The following EBF1 variants were observed in gnomAD, a reference collection of about 807,000 sequenced individuals.
The protein encoded by EBF1 is EBF transcription factor 1.
EBF1 carries 10 observed loss-of-function variants against 68.4 expected under a neutral mutation model. The observed-to-expected ratio is 0.15, with a 90% CI of 0.09 to 0.25. The LOEUF (loss-of-function observed/expected upper bound fraction) is 0.25, where lower values mean the gene tolerates loss of function less well. EBF1 is among the 10% of genes least tolerant of loss of function. EBF1 has a pLI of 1.00. For missense variants in EBF1, 509 were observed against 794.4 expected, an observed-to-expected ratio of 0.64 and a Z score of 4.32; for synonymous variants, 298 against 299.8, an observed-to-expected ratio of 0.99 and a Z score of 0.06.
In EBF1 at chr5:158,709,201, C is replaced by A. The variant is rs1318736480; in HGVS notation, c.1550-1028G>T. Among the ~76,000 whole-genome samples the A allele has an allele frequency of 7.9e-5, 12 of 152,282 alleles. No homozygotes were observed. In the South Asian group the frequency reaches 2.5e-3, roughly 32 times the overall value. On this transcript the variant is annotated intron_variant, in intron 14 of 15. Transcript: ENST00000313708. ...AAAGTATGTATCCTAGATATTTCTTCTATGTTATTATTTTTTCACACAACT... is the reference window on the plus strand; with the variant it reads ...AAAGTATGTATCCTAGATATTTCTTATATGTTATTATTTTTTCACACAACT...
intron 6 of EBF1, among the ~76,000 whole-genome samples, chr5:158,969,070 G>A (rs1754768462): frequency 6.6e-6 from 1 of 152,184 alleles, no homozygotes; most frequent in Non-Finnish European, 1.5e-5. Flanking sequence ...GGGAGGTTGA[G>A]GCAGGCAGAT....
chr5:158,885,380 C>T (rs559840909), intron 6 of EBF1, among the ~76,000 whole-genome samples: 3 of 152,232 alleles, frequency 2.0e-5, no homozygotes, highest in South Asian at 4.2e-4. Flanking sequence ...GAGAAGTGGA[C>T]GCAGGCAAGA....
intron 6 of EBF1, among the ~76,000 whole-genome samples, chr5:158,982,295 A>T (rs2127588346): frequency 6.6e-6 from 1 of 152,318 alleles, no homozygotes; most frequent in East Asian, 1.9e-4. Context: ...TACTAATAGT[A>T]TTATTTGCAC....
chr5:158,701,499 C>T (rs893093160), intron 15 of EBF1, among the ~76,000 whole-genome samples: 1 of 152,178 alleles, frequency 6.6e-6, no homozygotes, highest in Non-Finnish European at 1.5e-5. Flanking sequence ...GTTAACAGCG[C>T]TTTTTATTTT....
At chr5:159,059,677 A>C (rs901891993) in intron 6 of EBF1, among the ~76,000 whole-genome samples, 5 of 152,236 alleles carry the variant, frequency 3.3e-5, no homozygotes, top group Non-Finnish European at 5.9e-5. Flanking sequence ...CAGTTTATAC[A>C]ATTACTTGTA....
chr5:158,852,146 A>G (rs1793064583), intron 6 of EBF1, among the ~76,000 whole-genome samples: 1 of 142,456 alleles, frequency 7.0e-6, no homozygotes, highest in South Asian at 2.8e-4. Flanking sequence ...CTTCAAGGAA[A>G]ATAAATAAAC....
intron 6 of EBF1, among the ~76,000 whole-genome samples, chr5:158,999,062 T>C (rs1762003045): frequency 6.6e-6 from 1 of 152,086 alleles, no homozygotes; most frequent in Admixed American, 6.6e-5. Flanking sequence ...ACAAGAGTTT[T>C]TGTGTTTCAT....
At chr5:159,081,774 C>A (rs1414497210) in intron 5 of EBF1, among the ~76,000 whole-genome samples, 2 of 152,210 alleles carry the variant, frequency 1.3e-5, no homozygotes, top group Non-Finnish European at 2.9e-5. Flanking sequence ...CACATTTAAA[C>A]ACAGGATGTC....
intron 7 of EBF1, among the ~76,000 whole-genome samples, chr5:158,824,268 G>T (rs963210936): frequency 6.6e-6 from 1 of 152,186 alleles, no homozygotes; most frequent in Non-Finnish European, 1.5e-5. Context: ...CACCTATTAT[G>T]TTGACTAATT....
chr5:158,892,334 C>T (rs1358155550), intron 6 of EBF1, among the ~76,000 whole-genome samples: 2 of 152,046 alleles, frequency 1.3e-5, no homozygotes, highest in Non-Finnish European at 2.9e-5. Flanking sequence ...ACTAAAAATA[C>T]AAAAACTAGC....
At chr5:158,886,812 G>A (rs1800134202) in intron 6 of EBF1, among the ~76,000 whole-genome samples, 1 of 152,204 alleles carries the variant, frequency 6.6e-6, no homozygotes, top group Non-Finnish European at 1.5e-5. Flanking sequence ...AGGAGTTCGA[G>A]ACCAGCTTGG....
At chr5:159,010,458 T>C (rs1764424592) in intron 6 of EBF1, among the ~76,000 whole-genome samples, 1 of 152,048 alleles carries the variant, frequency 6.6e-6, no homozygotes, top group Non-Finnish European at 1.5e-5. Flanking sequence ...AAATGGTCTA[T>C]GCTAGGTTTA....
intron 6 of EBF1, among the ~76,000 whole-genome samples, chr5:159,025,952 G>A (rs1166765723): frequency 6.6e-6 from 1 of 152,146 alleles, no homozygotes; most frequent in Non-Finnish European, 1.5e-5. Flanking sequence ...CATCTATTTG[G>A]GGATATGTTT....
At position 158,969,908 on chromosome 5, in the gene EBF1, G is replaced by GA. The variant is rs1349712410; in HGVS notation, c.554+103487dup. ...AGAAAGAAAGAAAGAAAGAAAGAAA[G>GA]AAAGAAAGAAAAAAAAAAAAAAGGC... is the stretch of plus-strand genomic sequence containing the variant. On this transcript the variant is annotated intron_variant, in intron 6 of 15. Transcript: ENST00000313708. Among the ~76,000 whole-genome samples the GA allele has an allele frequency of 6.5e-3, 676 of 104,786 alleles. 26 individuals are homozygous for GA. Among genetic ancestry groups the GA allele is most frequent in the Non-Finnish European group, 8.8e-3 (445 of 50,536 alleles). 68.7% of individuals were successfully genotyped at this position (104,786 alleles called of 152,430 possible). A position where few individuals can be genotyped will look rare whatever the true frequency, so the allele number is the denominator to read the frequency against.
intron 7 of EBF1, among the ~76,000 whole-genome samples, chr5:158,835,467 A>G: frequency 6.6e-6 from 1 of 152,114 alleles, no homozygotes; most frequent in East Asian, 1.9e-4. Flanking sequence ...ACACAACTCT[A>G]CCCTCTGCAT....
chr5:158,813,527 G>A (rs1395228768), intron 8 of EBF1, among the ~76,000 whole-genome samples: 5 of 152,166 alleles, frequency 3.3e-5, no homozygotes, highest in African/African-American at 1.2e-4. Context: ...TGGCCAAGGT[G>A]GAGGGAAATT....
chr5:158,720,021 C>T (rs1358244368), intron 11 of EBF1, among the ~76,000 whole-genome samples: 2 of 152,162 alleles, frequency 1.3e-5, no homozygotes, highest in African/African-American at 4.8e-5. Flanking sequence ...TTCCCTGATA[C>T]CCATTTATCA....
chr5:158,956,407 G>T (rs1817085522), intron 6 of EBF1, among the ~76,000 whole-genome samples: 2 of 151,892 alleles, frequency 1.3e-5, no homozygotes, highest in South Asian at 2.1e-4. Flanking sequence ...TTCAAAACTG[G>T]ACTTTTAACT....
At position 158,997,798 on chromosome 5, in the gene EBF1, AG is replaced by A. The variant is rs529138887; in HGVS notation, c.554+75597del. On this transcript the variant is annotated intron_variant, in intron 6 of 15. Coordinates refer to ENST00000313708, the MANE Select transcript of EBF1 (RefSeq NM_024007.5). Reference sequence around the variant, plus strand: ...AGACACAGGCCTTTGCTAGCTCTACAGCAGGCTCTCCCTCTACTCCTTACCT... The same window carrying A: ...AGACACAGGCCTTTGCTAGCTCTACACAGGCTCTCCCTCTACTCCTTACCT... Among the ~76,000 whole-genome samples, 204 of 152,310 alleles carry A rather than the reference AG, an allele frequency of 1.3e-3. 2 individuals carry two copies. Among genetic ancestry groups the A allele is most frequent in the African/African-American group, 4.7e-3 (194 of 41,564 alleles).
Sources: allele counts gnomAD v4.1 joint callset (sites outside exome capture counted in the v4.1 genomes callset), GRCh38; gene constraint gnomAD v4.1.1; transcripts MANE v1.5; gene names NCBI Gene and HGNC (gene_info 2026-07-23, HGNC 2026-07-21).